The following CYP4Z1 variants were observed in gnomAD, a reference collection of about 807,000 sequenced individuals.
CYP4Z1 encodes the protein cytochrome P450 4Z1.
CYP4Z1 carries 41 observed loss-of-function variants against 54.2 expected under a neutral mutation model. The observed-to-expected ratio is 0.76, with a 90% CI of 0.59 to 0.98. The LOEUF (loss-of-function observed/expected upper bound fraction) is 0.98. Ranked by LOEUF, CYP4Z1 falls within the 50% of genes least tolerant of loss-of-function variation. The pLI is 0.00. For synonymous variants in CYP4Z1, 163 were observed against 206.2 expected, an observed-to-expected ratio of 0.79 and a Z score of 1.79; for missense variants, 513 against 599.0, an observed-to-expected ratio of 0.86 and a Z score of 1.50.
intron 9 of CYP4Z1, among the ~76,000 whole-genome samples, chr1:47,107,954 G>T (rs1340579762): frequency 6.6e-6 from 1 of 152,048 alleles, no homozygotes; most frequent in Non-Finnish European, 1.5e-5. Context: ...GGCTCCACCC[G>T]GCTGACTCAG....
At chr1:47,083,351 T>C (rs1644569294) in intron 4 of CYP4Z1, among the ~76,000 whole-genome samples, 1 of 152,156 alleles carries the variant, frequency 6.6e-6, no homozygotes, top group African/African-American at 2.4e-5. Context: ...GCAAAACATA[T>C]AAATATAGTG....
At chr1:47,105,612 A>G (rs1299651033) in intron 8 of CYP4Z1, among the ~76,000 whole-genome samples, 1 of 151,966 alleles carries the variant, frequency 6.6e-6, no homozygotes, top group Non-Finnish European at 1.5e-5. Flanking sequence ...GCTTTCCATC[A>G]CTTCTCTGTT....
chr1:47,105,256 G>C (rs1398633613), intron 8 of CYP4Z1, among the ~76,000 whole-genome samples: 3 of 152,282 alleles, frequency 2.0e-5, no homozygotes, highest in East Asian at 1.9e-4. Flanking sequence ...TGGAGATGTA[G>C]AGGCTGTTGA....
At chr1:47,094,792 G>C (rs1644665233) in intron 7 of CYP4Z1, 123 bp downstream of exon 7, 1 of 583,180 alleles carries the variant, frequency 1.7e-6, no homozygotes, top group Non-Finnish European at 3.1e-6. Flanking sequence ...CAGATCACTT[G>C]AGGTCAGGAG....
intron 10 of CYP4Z1, 59 bp downstream of exon 10, chr1:47,115,652 G>A: frequency 6.7e-7 from 1 of 1,486,940 alleles, no homozygotes; most frequent in Non-Finnish European, 9.3e-7. Flanking sequence ...GGGAAGAGAA[G>A]CATCTTCACA....
chr1:47,115,647 G>A (rs557416522), intron 10 of CYP4Z1, 54 bp downstream of exon 10: 22 of 1,508,194 alleles, frequency 1.5e-5, no homozygotes, highest in East Asian at 6.8e-5. Context: ...CAAGAGGGAA[G>A]AGAAGCATCT....
rs1644701868 is a variant in CYP4Z1 at position 47,099,183 on chromosome 1, T to TATC, written c.967_969dup (p.Ile323dup). 6.2e-7 allele frequency: 1 copy of TATC among 1,613,908 alleles called. No individual in the cohort carries two copies. The highest frequency in any genetic ancestry group is 1.1e-5 in the South Asian group (1 of 91,084). On this transcript the variant is annotated inframe_insertion, in exon 8 of 12. Transcript: ENST00000334194. ...CAGGACATGACACCACATCCAGTGC[T>TATC]ATCTCCTGGATCCTTTACTGCTTGG...
intron 9 of CYP4Z1, among the ~76,000 whole-genome samples, chr1:47,111,959 C>T (rs1644794769): frequency 6.6e-6 from 1 of 152,120 alleles, no homozygotes; most frequent in South Asian, 2.1e-4. Context: ...ACTAAAGCAG[C>T]ATTCATTCAG....
intron 9 of CYP4Z1, among the ~76,000 whole-genome samples, chr1:47,114,541 C>A (rs1644815840): frequency 6.6e-6 from 1 of 152,012 alleles, no homozygotes; most frequent in African/African-American, 2.4e-5. Flanking sequence ...TTTGCAATCT[C>A]CTCATCTGAC....
chr1:47,109,985 A>G (rs2492594), intron 9 of CYP4Z1, among the ~76,000 whole-genome samples: 1 of 152,150 alleles, frequency 6.6e-6, no homozygotes, highest in Non-Finnish European at 1.5e-5. Context: ...TTTTCAAATT[A>G]TGTCTTTTTC....
chr1:47,086,680 A>C (rs1366414573), intron 6 of CYP4Z1, among the ~76,000 whole-genome samples: 1 of 152,190 alleles, frequency 6.6e-6, no homozygotes, highest in African/African-American at 2.4e-5. Flanking sequence ...TTTGCTGTGC[A>C]GAAGCTCTTT....
chr1:47,084,566 G>C, intron 4 of CYP4Z1, 54 bp from the exon 5 acceptor site: 1 of 1,516,074 alleles, frequency 6.6e-7, no homozygotes, highest in South Asian at 1.3e-5. Flanking sequence ...AAATAACTTA[G>C]AAATTGGGAA....
chr1:47,059,814 T>C, the CYP4Z1 span, among the ~76,000 whole-genome samples: 1 of 152,198 alleles, frequency 6.6e-6, no homozygotes, highest in South Asian at 2.1e-4. Context: ...TGGGGCACTT[T>C]GTTTTAAGCA....
intron 9 of CYP4Z1, among the ~76,000 whole-genome samples, chr1:47,107,071 A>G (rs1056766278): frequency 1.3e-5 from 2 of 152,230 alleles, no homozygotes; most frequent in Admixed American, 6.5e-5. Flanking sequence ...GCAATTAAAT[A>G]TTTGTTTCCT....
chr1:47,089,080 C>T (rs1202958449), intron 6 of CYP4Z1, among the ~76,000 whole-genome samples: 1 of 148,320 alleles, frequency 6.7e-6, no homozygotes, highest in East Asian at 2.0e-4. Flanking sequence ...TCTATTTAAC[C>T]GATTTTTATC....
intron 9 of CYP4Z1, among the ~76,000 whole-genome samples, chr1:47,111,811 T>C (rs1453787080): frequency 2.0e-5 from 3 of 152,080 alleles, no homozygotes; most frequent in Non-Finnish European, 4.4e-5. Context: ...AAATGGAAAT[T>C]AGCAACAAAA....
At position 47,067,429 on chromosome 1, in the gene CYP4Z1, G is replaced by A; in HGVS notation, c.-62G>A. On this transcript the variant is annotated 5_prime_UTR_variant, in exon 1 of 12. Coordinates refer to ENST00000334194, the MANE Select transcript of CYP4Z1 (RefSeq NM_178134.3). ...GGGCATCTCCTTTGTGTTTATGAGAGACCTGCATTCTCCCTGGCTCAGTTC... is the reference window on the plus strand; with the variant it reads ...GGGCATCTCCTTTGTGTTTATGAGAAACCTGCATTCTCCCTGGCTCAGTTC... The A allele has an allele frequency of 7.0e-7, 1 of 1,425,672 alleles. No homozygotes were observed. The highest frequency in any genetic ancestry group is 9.3e-7 in the Non-Finnish European group (1 of 1,070,836). The allele number at this position is 1,425,672 out of a possible 1,614,324, so 88.3% of individuals were successfully genotyped here.
chr1:47,076,263 G>A (rs1286180291), intron 2 of CYP4Z1, among the ~76,000 whole-genome samples: 1 of 151,102 alleles, frequency 6.6e-6, no homozygotes, highest in Non-Finnish European at 1.5e-5. Context: ...TTTTTCTATT[G>A]TTTTTCCTGC....
In CYP4Z1 at chr1:47,082,551, C is replaced by G. The variant is rs190536245; in HGVS notation, c.492+90C>G. On this transcript the variant is annotated intron_variant, in intron 4 of 11. Transcript: ENST00000334194. ...GGGAGACTCTGAGTTCCCTCAGAAC[C>G]ATGTTCACAGCAGTTTATATGGGGT... 1,997 of 1,529,490 alleles carry G rather than the reference C, an allele frequency of 1.3e-3. 10 individuals carry two copies. The highest frequency in any genetic ancestry group is 2.5e-3 in the Middle Eastern group (13 of 5,268). The allele number at this position is 1,529,490 out of a possible 1,614,324, so 94.7% of individuals were successfully genotyped here. A position where few individuals can be genotyped will look rare whatever the true frequency, so the allele number is the denominator to read the frequency against.
Sources: gnomAD v4.1 joint callset for allele counts (sites outside exome capture counted in the v4.1 genomes callset) on GRCh38, gnomAD v4.1.1 for gene constraint, MANE v1.5 for transcripts, NCBI Gene and HGNC (gene_info 2026-07-23, HGNC 2026-07-21) for gene names.